The following C1D variants were observed in gnomAD, a reference collection of about 807,000 sequenced individuals.
C1D encodes the protein C1D nuclear receptor corepressor, also known as nuclear nucleic acid-binding protein C1D.
A neutral mutation model predicts 17.5 loss-of-function variants in C1D; 10 were observed. The observed-to-expected ratio is 0.57, with a 90% confidence interval of 0.35 to 0.97. The LOEUF (loss-of-function observed/expected upper bound fraction) is 0.97, where lower values mean the gene tolerates loss of function less well. Ranked by LOEUF, C1D falls within the 50% of genes least tolerant of loss-of-function variation. The probability of loss-of-function intolerance (pLI) is 0.01; values close to 1 mark genes in which losing one functional copy is unlikely to be tolerated. For missense variants in C1D, 136 were observed against 160.1 expected (o/e 0.85, Z 0.81); for synonymous variants, 49 against 54.0 (o/e 0.91, Z 0.40).
At chr2:68,060,840 C>T (rs1671608414) in intron 1 of C1D, among the ~76,000 whole-genome samples, 1 of 152,154 alleles carries the variant, frequency 6.6e-6, no homozygotes, top group African/African-American at 2.4e-5. Flanking sequence ...AGATTCATGT[C>T]GAGGCACATT....
intron 1 of C1D, among the ~76,000 whole-genome samples, chr2:68,057,368 G>A (rs888177862): frequency 6.6e-6 from 1 of 151,652 alleles, no homozygotes; most frequent in Non-Finnish European, 1.5e-5. Context: ...TGTTGGCCAG[G>A]CTGGTCTCAA....
chr2:68,043,072 A>C lies in C1D; in HGVS notation c.262-19T>G, dbSNP rs1395227333. The stretch of plus-strand genomic sequence containing the variant: ...TTCTTTCCTTAAAGATAAAAAACAA[A>C]GGCAATAGATTTACTAAGCTATTCG... On this transcript the variant is annotated intron_variant, in intron 4 of 4. Coordinates refer to ENST00000410067, the MANE Select transcript of C1D (RefSeq NM_173177.3). 6.4e-7 allele frequency: 1 copy of C among 1,560,556 alleles called. No individual in the cohort carries two copies. Among genetic ancestry groups the C allele is most frequent in the South Asian group, 1.2e-5 (1 of 84,612 alleles).
chr2:68,051,783 A>T (rs566197834), intron 1 of C1D, among the ~76,000 whole-genome samples: 1 of 152,002 alleles, frequency 6.6e-6, no homozygotes, highest in East Asian at 1.9e-4. Flanking sequence ...CTCAAATGTC[A>T]TCTATTGGTA....
chr2:68,042,836 G>GGA lies in C1D; in HGVS notation c.*52_*53insTC. The GGA allele has an allele frequency of 3.8e-6, 1 of 260,012 alleles. No homozygotes were observed. 16.1% of individuals were successfully genotyped at this position (260,012 alleles called of 1,614,324 possible). Reference sequence around the variant, plus strand: ...GCCACAGAATTATTTTGCGGGGGGGGGGGGGGGGGGGAAGATGTACTTTTT... The same window carrying GGA: ...GCCACAGAATTATTTTGCGGGGGGGGGAGGGGGGGGGGGAAGATGTACTTTTT... On this transcript the variant is annotated 3_prime_UTR_variant, in exon 5 of 5. Transcript: ENST00000410067.
intron 4 of C1D, 139 bp from the exon 5 acceptor site, chr2:68,043,192 T>C (rs963011400): frequency 5.2e-5 from 32 of 611,104 alleles, no homozygotes; most frequent in Non-Finnish European, 8.2e-5. Context: ...GAAATGCAAA[T>C]GAATAGGATA....
chr2:68,047,774 G>A (rs998975778), intron 1 of C1D, among the ~76,000 whole-genome samples: 1 of 152,092 alleles, frequency 6.6e-6, no homozygotes, highest in South Asian at 2.1e-4. Flanking sequence ...CTAAAGACAT[G>A]ATGACCAAAC....
intron 1 of C1D, among the ~76,000 whole-genome samples, chr2:68,050,011 A>G (rs572256670): frequency 1.3e-5 from 2 of 152,334 alleles, no homozygotes; most frequent in East Asian, 3.9e-4. Flanking sequence ...ATCATCACCT[A>G]TCAGATTGGC....
Position 68,041,892 on chromosome 2 carries a change from A to G in C1D, c.*997T>C, listed in dbSNP as rs926095440. On this transcript the variant is annotated 3_prime_UTR_variant, in exon 5 of 5. Coordinates refer to ENST00000410067, the MANE Select transcript of C1D (RefSeq NM_173177.3). Reference sequence around the variant, plus strand: ...ACATTTAAAAAAAGGTTTACTATGTAGTACTCTCTGTAACTAATATTCCAG... The same window carrying G: ...ACATTTAAAAAAAGGTTTACTATGTGGTACTCTCTGTAACTAATATTCCAG... The G allele has an allele frequency of 6.6e-6, 1 of 152,114 alleles. No individual in the cohort carries two copies. Among genetic ancestry groups the G allele is most frequent in the Non-Finnish European group, 1.5e-5 (1 of 67,928 alleles). 9.4% of individuals were successfully genotyped at this position (152,114 alleles called of 1,614,324 possible). A position where few individuals can be genotyped will look rare whatever the true frequency, so the allele number is the denominator to read the frequency against.
chr2:68,059,259 A>G (rs1671547438), intron 1 of C1D, among the ~76,000 whole-genome samples: 5 of 152,166 alleles, frequency 3.3e-5, no homozygotes, highest in Admixed American at 1.3e-4. Flanking sequence ...ACAAACCAAG[A>G]CATTCAATCT....
intron 1 of C1D, among the ~76,000 whole-genome samples, chr2:68,050,233 A>C (rs7573391): frequency 6.6e-6 from 1 of 152,126 alleles, no homozygotes; most frequent in Non-Finnish European, 1.5e-5. Flanking sequence ...GTCATGTATC[A>C]AACTGTCCGT....
Position 68,043,182 on chromosome 2 carries a change from G to A in C1D, c.262-129C>T, listed in dbSNP as rs1671020020. On this transcript the variant is annotated intron_variant, in intron 4 of 4. Transcript: ENST00000410067. ...TGCCTATTAAAGTGCATGGTGCTAG[G>A]AAATGCAAATGAATAGGATAAATAC... 13 of 662,222 alleles carry A rather than the reference G, an allele frequency of 2.0e-5. 1 individual carries two copies. The South Asian group carries it at 3.1e-4, about 16-fold the overall frequency. 41.0% of individuals were successfully genotyped at this position (662,222 alleles called of 1,614,324 possible).
At chr2:68,053,215 T>C in intron 1 of C1D, 2 of 1,548,230 alleles carry the variant, frequency 1.3e-6, no homozygotes, top group South Asian at 1.2e-5. Context: ...TGGCTGAGAC[T>C]GAGTACCTGG....
At chr2:68,058,205 T>C (rs868577398) in intron 1 of C1D, among the ~76,000 whole-genome samples, 6 of 152,204 alleles carry the variant, frequency 3.9e-5, no homozygotes, top group South Asian at 2.1e-4. Flanking sequence ...TCTTATTCAA[T>C]AGATATTTAA....
At chr2:68,057,314 A>AT (rs373349108) in intron 1 of C1D, among the ~76,000 whole-genome samples, 26,040 of 140,462 alleles carry the variant, frequency 0.19, 3,157 homozygotes, top group African/African-American at 0.36. Flanking sequence ...ACACCTTGCT[A>AT]TTTTTTTTTT....
intron 1 of C1D, among the ~76,000 whole-genome samples, chr2:68,049,890 A>C (rs1671233547): frequency 6.6e-6 from 1 of 152,282 alleles, no homozygotes; most frequent in Non-Finnish European, 1.5e-5. Context: ...AAGCAAAGTT[A>C]AAAGGCAAGA....
chr2:68,054,433 G>C (rs1671378860), intron 1 of C1D, among the ~76,000 whole-genome samples: 1 of 152,170 alleles, frequency 6.6e-6, no homozygotes. Context: ...TTGGCTACTA[G>C]CTGAAACTGC....
chr2:68,047,126 TTC>T (rs768179441), intron 2 of C1D, 45 bp downstream of exon 2: 73 of 1,530,338 alleles, frequency 4.8e-5, no homozygotes, highest in Non-Finnish European at 6.3e-5. Context: ...TAAAATAGCA[TTC>T]TGTTTTATGA....
At chr2:68,058,915 T>C (rs2103817085) in intron 1 of C1D, among the ~76,000 whole-genome samples, 1 of 152,308 alleles carries the variant, frequency 6.6e-6, no homozygotes, top group East Asian at 1.9e-4. Flanking sequence ...TTAAAACAGC[T>C]AACTGGGAGA....
Position 68,045,988 on chromosome 2 carries a change from C to T in C1D, c.261G>A (p.Leu87=). Residue 87 remains leucine, a splice_region_variant and synonymous_variant, in exon 4 of 5, where the codon TTG becomes TTA. Transcript: ENST00000410067. ...AAATAAAAAGAAATTAAAATCTTACCAATTCCTGTTTTACTGGATGTTCCT... is the reference window on the plus strand; with the variant it reads ...AAATAAAAAGAAATTAAAATCTTACTAATTCCTGTTTTACTGGATGTTCCT... ...NPKEHPVKQE[L]ERIRVYMNRV... 1 of 1,578,012 alleles carries T rather than the reference C, an allele frequency of 6.3e-7. No homozygotes were observed. The highest frequency in any genetic ancestry group is 8.6e-7 in the Non-Finnish European group (1 of 1,159,566).
Sources: gnomAD v4.1 joint callset for allele counts (sites outside exome capture counted in the v4.1 genomes callset) on GRCh38, gnomAD v4.1.1 for gene constraint, MANE v1.5 for transcripts, NCBI Gene and HGNC (gene_info 2026-07-23, HGNC 2026-07-21) for gene names.